The following ZNF292 variants were observed in gnomAD, a reference collection of about 807,000 sequenced individuals.
ZNF292 encodes the protein zinc finger protein 292.
A neutral mutation model predicts 217.9 loss-of-function variants in ZNF292; 26 were observed. That is an observed-to-expected ratio of 0.12 (90% CI 0.09 to 0.17). The LOEUF (loss-of-function observed/expected upper bound fraction) is 0.17, where lower values mean the gene tolerates loss of function less well. Among genes scored for constraint, ZNF292 ranks in the 10% least tolerant of loss-of-function variants. ZNF292 has a pLI of 1.00. For missense variants in ZNF292, 2,904 were observed against 3,175.2 expected, an observed-to-expected ratio of 0.91 and a Z score of 2.05; for synonymous variants, 1,257 against 1,124.1, an observed-to-expected ratio of 1.12 and a Z score of -2.37.
At chr6:87,159,682 A>G (rs1299992209) in intron 1 of ZNF292, among the ~76,000 whole-genome samples, 1 of 151,174 alleles carries the variant, frequency 6.6e-6, no homozygotes, top group East Asian at 1.9e-4. Flanking sequence ...TTGTATTTTT[A>G]CTAGAGACAG....
chr6:87,181,800 G>A (rs186399387), intron 1 of ZNF292, among the ~76,000 whole-genome samples: 39 of 152,072 alleles, frequency 2.6e-4, no homozygotes, highest in Non-Finnish European at 4.4e-4. Flanking sequence ...TCCTGCCTCA[G>A]CCTCCCAAGT....
intron 1 of ZNF292, among the ~76,000 whole-genome samples, chr6:87,176,877 T>G (rs1256747010): frequency 1.3e-5 from 2 of 152,180 alleles, no homozygotes; most frequent in Non-Finnish European, 2.9e-5. Context: ...GTGGAACTCT[T>G]CCTCGTGGAT....
chr6:87,205,847 C>CT (rs1191578208), intron 1 of ZNF292, among the ~76,000 whole-genome samples: 2 of 152,158 alleles, frequency 1.3e-5, no homozygotes, highest in African/African-American at 2.4e-5. Flanking sequence ...TTTTTATACT[C>CT]TGAGTTTATC....
At chr6:87,179,462 A>G (rs529603382) in intron 1 of ZNF292, among the ~76,000 whole-genome samples, 136 of 152,206 alleles carry the variant, frequency 8.9e-4, no homozygotes, top group African/African-American at 3.0e-3. Flanking sequence ...TGCCTGGCCA[A>G]TGTGGACTCT....
At chr6:87,218,513 A>AGTTTAGT in intron 3 of ZNF292, 83 bp from the exon 4 acceptor site, 1 of 1,131,628 alleles carries the variant, frequency 8.8e-7, no homozygotes, top group South Asian at 2.2e-5. Flanking sequence ...TCTTTTCAGA[A>AGTTTAGT]GTTTAGTGTT....
chr6:87,169,036 CT>C (rs56073213), intron 1 of ZNF292, among the ~76,000 whole-genome samples: 1,633 of 150,670 alleles, frequency 0.011, 20 homozygotes, highest in African/African-American at 0.037. Flanking sequence ...CTTTTTATTG[CT>C]TTTTTTTTAA....
At position 87,254,850 on chromosome 6, in the gene ZNF292, A is replaced by G; in HGVS notation, c.1221A>G (p.Glu407=). 6.2e-7 allele frequency: 1 copy of G among 1,613,842 alleles called. No homozygotes were observed. The highest frequency in any genetic ancestry group is 1.7e-5 in the Admixed American group (1 of 59,980). Residue 407 remains glutamate, a synonymous_variant, in exon 8 of 8, where the codon GAA becomes GAG. Coordinates refer to ENST00000369577, the MANE Select transcript of ZNF292 (RefSeq NM_015021.3). ...EPTVDAYYAV[E]MLYNQPDQKY... is the part of the protein sequence containing the mutation. ...CAGTAGATGCGTATTATGCTGTGGA[A>G]ATGTTGTATAATCAGCCAGACCAGA...
chr6:87,210,258 A>AT (rs999827546), intron 1 of ZNF292, among the ~76,000 whole-genome samples: 7 of 151,926 alleles, frequency 4.6e-5, no homozygotes, highest in African/African-American at 1.5e-4. Flanking sequence ...AAAGAAAAAA[A>AT]TTTTTTTTTA....
intron 1 of ZNF292, among the ~76,000 whole-genome samples, chr6:87,191,587 G>C (rs1380238119): frequency 6.6e-6 from 1 of 152,198 alleles, no homozygotes; most frequent in Non-Finnish European, 1.5e-5. Context: ...ACCTCCAAAA[G>C]TGCAGTGATA....
chr6:87,244,623 A>G (rs541164833), intron 6 of ZNF292, among the ~76,000 whole-genome samples: 1 of 152,336 alleles, frequency 6.6e-6, no homozygotes, highest in East Asian at 1.9e-4. Context: ...GCAAAGAAGT[A>G]GTAGTACAGA....
Position 87,264,114 on chromosome 6 carries a change from A to G in ZNF292, c.*2313A>G, listed in dbSNP as rs138206730. 1.3e-5 allele frequency: 2 copies of G among 152,330 alleles called. No homozygotes were observed. Among genetic ancestry groups the G allele is most frequent in the African/African-American group, 4.8e-5 (2 of 41,574 alleles). The allele number at this position is 152,330 out of a possible 1,614,324, so 9.4% of individuals were successfully genotyped here. A position where few individuals can be genotyped will look rare whatever the true frequency, so the allele number is the denominator to read the frequency against. On this transcript the variant is annotated 3_prime_UTR_variant, in exon 8 of 8. Transcript: ENST00000369577. Reference sequence around the variant, plus strand: ...AACTATGGTAAAAAGACATGAATTTATAGAATAGCATGTTGGTAAATTTTG... The same window carrying G: ...AACTATGGTAAAAAGACATGAATTTGTAGAATAGCATGTTGGTAAATTTTG...
At chr6:87,242,213 AGAG>A (rs1774327158) in intron 5 of ZNF292, among the ~76,000 whole-genome samples, 2 of 152,188 alleles carry the variant, frequency 1.3e-5, no homozygotes, top group South Asian at 4.1e-4. Context: ...AAAGAGGCAG[AGAG>A]AGGAGTAGTG....
intron 1 of ZNF292, among the ~76,000 whole-genome samples, chr6:87,176,094 G>A (rs1052715313): frequency 1.3e-5 from 2 of 152,184 alleles, no homozygotes; most frequent in Admixed American, 1.3e-4. Context: ...CCCTCATAGG[G>A]AAGAAAAAGT....
intron 1 of ZNF292, among the ~76,000 whole-genome samples, chr6:87,190,231 C>T (rs147572569): frequency 1.3e-5 from 2 of 152,246 alleles, no homozygotes; most frequent in African/African-American, 4.8e-5. Context: ...CATAATACCA[C>T]GTAATAACTA....
chr6:87,160,686 A>G (rs201439293), intron 1 of ZNF292, among the ~76,000 whole-genome samples: 43 of 23,442 alleles, frequency 1.8e-3, no homozygotes, highest in Middle Eastern at 0.014. Context: ...GTGTGTGTGT[A>G]TATATATATA....
chr6:87,259,153 G>A lies in ZNF292; in HGVS notation c.5524G>A (p.Glu1842Lys). 1 of 1,613,310 alleles carries A rather than the reference G, an allele frequency of 6.2e-7. No individual in the cohort carries two copies. Among genetic ancestry groups the A allele is most frequent in the Non-Finnish European group, 8.5e-7 (1 of 1,179,616 alleles). ...GGAGGATCAAATACAGGAAATTTTA[G>A]AAGGCTTACAGAAATTAAAATTAGA... ...HKEDQIQEIL[E>K]GLQKLKLEND... The change falls in exon 8 of 8, where the codon GAA becomes AAA. Residue 1842 changes from glutamate to lysine, a missense_variant. Transcript: ENST00000369577.
intron 1 of ZNF292, among the ~76,000 whole-genome samples, chr6:87,159,551 G>A (rs1770657752): frequency 6.8e-6 from 1 of 147,768 alleles, no homozygotes; most frequent in East Asian, 2.0e-4. Context: ...CACCCAGGCT[G>A]GTGTGCAATG....
intron 5 of ZNF292, among the ~76,000 whole-genome samples, chr6:87,241,427 T>C (rs1774280468): frequency 6.7e-6 from 1 of 149,708 alleles, no homozygotes; most frequent in Admixed American, 6.6e-5. Flanking sequence ...ATTTTTTTTT[T>C]TTTTTTTTTT....
chr6:87,188,736 G>A (rs1380309703), intron 1 of ZNF292, among the ~76,000 whole-genome samples: 2 of 146,308 alleles, frequency 1.4e-5, no homozygotes, highest in Admixed American at 6.9e-5. Context: ...TTATTAAACA[G>A]TTTAATTCAC....
Sources: gnomAD v4.1 joint callset for allele counts (sites outside exome capture counted in the v4.1 genomes callset) on GRCh38, gnomAD v4.1.1 for gene constraint, MANE v1.5 for transcripts, NCBI Gene and HGNC (gene_info 2026-07-23, HGNC 2026-07-21) for gene names.